Variants in KIF26B observed in about 807,000 individuals in gnomAD.
KIF26B encodes the protein kinesin family member 26B.
KIF26B carries 63 observed loss-of-function variants against 151.2 expected under a neutral mutation model. The observed-to-expected ratio is 0.42, with a 90% confidence interval of 0.34 to 0.51. KIF26B has a LOEUF of 0.51. Among genes scored for constraint, KIF26B ranks in the 20% least tolerant of loss-of-function variants. The pLI, the probability that KIF26B is intolerant of heterozygous loss-of-function variation, is 0.07. For synonymous variants in KIF26B, 1,357 were observed against 1,262.1 expected (o/e 1.08, Z -1.59); for missense variants, 2,813 against 2,913.6 (o/e 0.97, Z 0.79).
In KIF26B at chr1:245,375,863, G is replaced by T. The variant is rs781507581; in HGVS notation, c.999+8496G>T. On this transcript the variant is annotated intron_variant, in intron 3 of 14. Coordinates refer to ENST00000407071, the MANE Select transcript of KIF26B (RefSeq NM_018012.4). The surrounding 1 kb of genome is among the most constrained non-coding windows in gnomAD (Gnocchi z 4.2). ...AACAAACCCCGTTACCCTGCGGATC[G>T]GCCGGTCCATGCACAAGTCAGATTC... Among the ~76,000 whole-genome samples, 4 of 152,102 alleles carry T rather than the reference G, an allele frequency of 2.6e-5. No individual in the cohort carries two copies. Among genetic ancestry groups the T allele is most frequent in the South Asian group, 2.1e-4 (1 of 4,814 alleles).
At chr1:245,683,430 T>C (rs1308976951) in intron 10 of KIF26B, among the ~76,000 whole-genome samples, 2 of 152,042 alleles carry the variant, frequency 1.3e-5, no homozygotes, top group Non-Finnish European at 2.9e-5. Context: ...GCAGGAAAAA[T>C]GCTGGGACGA....
chr1:245,682,844 G>A (rs2044456936), intron 10 of KIF26B, among the ~76,000 whole-genome samples: 1 of 152,236 alleles, frequency 6.6e-6, no homozygotes, highest in African/African-American at 2.4e-5. Flanking sequence ...TCCTCGTCGA[G>A]TGCGGCTGTC....
At position 245,218,588 on chromosome 1, in the gene KIF26B, C is replaced by A. The variant is rs1202332366; in HGVS notation, c.465+61905C>A. The stretch of plus-strand genomic sequence containing the variant: ...AAGAACCGAGGTGTCTCTTCTGCCC[C>A]ATTTCTAGCCCAGGGTGACCCCAGG... On this transcript the variant is annotated intron_variant, in intron 2 of 14. Transcript: ENST00000407071. The surrounding 1 kb of genome is among the most constrained non-coding windows in gnomAD (Gnocchi z 4.1). Among the ~76,000 whole-genome samples the A allele has an allele frequency of 2.0e-5, 3 of 152,152 alleles. No individual in the cohort carries two copies. The highest frequency in any genetic ancestry group is 4.8e-5 in the African/African-American group (2 of 41,440).
At chr1:245,284,676 G>A (rs1218269519) in intron 2 of KIF26B, among the ~76,000 whole-genome samples, 1 of 152,200 alleles carries the variant, frequency 6.6e-6, no homozygotes, top group Non-Finnish European at 1.5e-5. Flanking sequence ...CAATAAAATA[G>A]CATACCAGAT....
chr1:245,339,214 G>A (rs1672290846), intron 2 of KIF26B, among the ~76,000 whole-genome samples: 1 of 152,052 alleles, frequency 6.6e-6, no homozygotes, highest in African/African-American at 2.4e-5. Context: ...TCCTTACCTC[G>A]TGATCCACCT....
intron 4 of KIF26B, among the ~76,000 whole-genome samples, chr1:245,458,020 A>C (rs1659574490): frequency 6.6e-6 from 1 of 152,200 alleles, no homozygotes; most frequent in African/African-American, 2.4e-5. Flanking sequence ...CCCCAAGGAC[A>C]TTTTACGTAA....
At chr1:245,224,068 T>C (rs1181274881) in intron 2 of KIF26B, among the ~76,000 whole-genome samples, 1 of 152,160 alleles carries the variant, frequency 6.6e-6, no homozygotes, top group African/African-American at 2.4e-5. Context: ...GTGGATCACC[T>C]GAGGTCGGGA....
At chr1:245,523,598 G>C (rs1661179010) in intron 4 of KIF26B, among the ~76,000 whole-genome samples, 1 of 152,198 alleles carries the variant, frequency 6.6e-6, no homozygotes, top group Admixed American at 6.5e-5. Flanking sequence ...TTCACAGATG[G>C]TGCCTTCTCG....
chr1:245,635,099 T>TG (rs1491384201), intron 9 of KIF26B, among the ~76,000 whole-genome samples: 5 of 27,540 alleles, frequency 1.8e-4, no homozygotes, highest in Non-Finnish European at 4.4e-4. Flanking sequence ...GGTTTTTGTG[T>TG]TTTTTTTTTT....
Position 245,698,827 on chromosome 1 carries a change from C to T in KIF26B, c.6028-60C>T, listed in dbSNP as rs2044729894. 2 of 1,570,202 alleles carry T rather than the reference C, an allele frequency of 1.3e-6. No individual in the cohort carries two copies. Among genetic ancestry groups the T allele is most frequent in the Non-Finnish European group, 1.7e-6 (2 of 1,153,044 alleles). ...TCCATCAACGATACTCACAGGTGCT[C>T]CTGTGGTGTGGGCTGGGTGTGAGCA... On this transcript the variant is annotated intron_variant, in intron 13 of 14. Transcript: ENST00000407071. This position sits in a 1 kb window ranked among gnomAD's most constrained non-coding sequence, Gnocchi z 4.0.
rs957948944 is a variant in KIF26B at position 245,244,157 on chromosome 1, A to G, written c.465+87474A>G. ...TTTTTTGTAGAGATTGGGTCTTGCT[A>G]TGTTACCCAGGCTGATCTCGAACTC... On this transcript the variant is annotated intron_variant, in intron 2 of 14. Coordinates refer to ENST00000407071, the MANE Select transcript of KIF26B (RefSeq NM_018012.4). This position sits in a 1 kb window ranked among gnomAD's most constrained non-coding sequence, Gnocchi z 4.2. Among the ~76,000 whole-genome samples, 4 of 151,970 alleles carry G rather than the reference A, an allele frequency of 2.6e-5. No individual in the cohort carries two copies. The highest frequency in any genetic ancestry group is 3.9e-4 in the East Asian group (2 of 5,176).
intron 2 of KIF26B, among the ~76,000 whole-genome samples, chr1:245,259,233 A>C (rs909711422): frequency 6.6e-6 from 1 of 152,210 alleles, no homozygotes; most frequent in African/African-American, 2.4e-5. Context: ...ATTGTTGTAC[A>C]TTTGTTGGAG....
chr1:245,685,627 GACA>G lies in KIF26B; in HGVS notation c.2647_2649del (p.Asn883del), dbSNP rs1558269760. 1.1e-5 allele frequency: 17 copies of G among 1,613,426 alleles called. No homozygotes were observed. Among genetic ancestry groups the G allele is most frequent in the Non-Finnish European group, 1.4e-5 (17 of 1,179,780 alleles). ...GGCCCTCTCTGACAAGGAGCTCACCGACAACGAGGGCCCCCCAGACTTTGTCCC... is the reference window on the plus strand; with the variant it reads ...GGCCCTCTCTGACAAGGAGCTCACCGACGAGGGCCCCCCAGACTTTGTCCC... On this transcript the variant is annotated inframe_deletion, in exon 12 of 15. Coordinates refer to ENST00000407071, the MANE Select transcript of KIF26B (RefSeq NM_018012.4).
chr1:245,583,576 A>C (rs1053206889), intron 5 of KIF26B, among the ~76,000 whole-genome samples: 1 of 152,172 alleles, frequency 6.6e-6, no homozygotes, highest in African/African-American at 2.4e-5. Context: ...GAGTTCGTTA[A>C]ATCAGCTGGT....
chr1:245,544,730 G>A (rs182520957), intron 5 of KIF26B, among the ~76,000 whole-genome samples: 5 of 152,282 alleles, frequency 3.3e-5, no homozygotes, highest in African/African-American at 9.6e-5. Flanking sequence ...GCAAAATAAC[G>A]TTGGGAACCA....
rs1190080140 is a variant in KIF26B at position 245,171,384 on chromosome 1, A to G, written c.465+14701A>G. ...TGGTGAAACCCCGTCTCTACTAAAA[A>G]TACAAAAAAGTTAGCTGGGTGTGGT... On this transcript the variant is annotated intron_variant, in intron 2 of 14. Transcript: ENST00000407071. Among the ~76,000 whole-genome samples the G allele has an allele frequency of 2.6e-5, 4 of 152,206 alleles. No homozygotes were observed. In the East Asian group the frequency reaches 5.8e-4, roughly 22 times the overall value.
chr1:245,477,978 A>G (rs1247310723), intron 4 of KIF26B, among the ~76,000 whole-genome samples: 3 of 151,744 alleles, frequency 2.0e-5, no homozygotes, highest in Non-Finnish European at 1.5e-5. Context: ...TATACCATAA[A>G]CACACACCCA....
intron 2 of KIF26B, among the ~76,000 whole-genome samples, chr1:245,311,706 G>A (rs1322395319): frequency 6.6e-6 from 1 of 152,222 alleles, no homozygotes; most frequent in East Asian, 1.9e-4. Context: ...GCCAAGGTGG[G>A]TGGATCACCT....
intron 2 of KIF26B, among the ~76,000 whole-genome samples, chr1:245,245,286 G>A (rs1299750390): frequency 6.6e-6 from 1 of 152,152 alleles, no homozygotes; most frequent in Non-Finnish European, 1.5e-5. Flanking sequence ...GTCTACTGAT[G>A]ATCAAAGCCC....
Sources: allele counts gnomAD v4.1 joint callset (sites outside exome capture counted in the v4.1 genomes callset), GRCh38; gene constraint gnomAD v4.1.1; non-coding constraint Gnocchi (gnomAD v3.1); transcripts MANE v1.5; gene names NCBI Gene and HGNC (gene_info 2026-07-23, HGNC 2026-07-21).